The following GRIK3 variants were observed in gnomAD, a reference collection of about 807,000 sequenced individuals.
GRIK3 encodes glutamate receptor ionotropic, kainate 3.
Under a neutral mutation model 102.5 loss-of-function variants are expected in GRIK3, and 29 were observed. The observed-to-expected ratio is 0.28, with a 90% CI of 0.21 to 0.39. GRIK3 has a LOEUF of 0.39. Among genes scored for constraint, GRIK3 ranks in the 10% least tolerant of loss-of-function variants. The pLI is 1.00. For synonymous variants in GRIK3, 511 were observed against 504.9 expected, an observed-to-expected ratio of 1.01 and a Z score of -0.16; for missense variants, 908 against 1,252.4, an observed-to-expected ratio of 0.73 and a Z score of 4.15.
At chr1:36,907,180 A>G (rs1641292947) in intron 1 of GRIK3, among the ~76,000 whole-genome samples, 1 of 152,180 alleles carries the variant, frequency 6.6e-6, no homozygotes, top group Non-Finnish European at 1.5e-5. Flanking sequence ...TAGGAAAAGC[A>G]CCTCAGGGCC....
At chr1:37,029,688 G>A (rs1018242431) in intron 1 of GRIK3, among the ~76,000 whole-genome samples, 1 of 152,256 alleles carries the variant, frequency 6.6e-6, no homozygotes, top group Non-Finnish European at 1.5e-5. Flanking sequence ...GGAGGGGACT[G>A]TTTCCTGGGA....
intron 1 of GRIK3, among the ~76,000 whole-genome samples, chr1:36,974,573 T>C (rs915377029): frequency 6.6e-6 from 1 of 151,134 alleles, no homozygotes; most frequent in African/African-American, 2.4e-5. Context: ...CTGAGGCGGG[T>C]GGATCACGAG....
intron 15 of GRIK3, among the ~76,000 whole-genome samples, chr1:36,803,121 G>A (rs757068024): frequency 6.6e-6 from 1 of 152,090 alleles, no homozygotes; most frequent in Admixed American, 6.5e-5. Context: ...AGAGAATCAA[G>A]CAGTGAAATG....
intron 5 of GRIK3, among the ~76,000 whole-genome samples, chr1:36,863,726 G>A (rs1640752667): frequency 6.6e-6 from 1 of 152,172 alleles, no homozygotes. Flanking sequence ...GAGTGCGTCA[G>A]ACGCGATTCT....
At chr1:36,909,602 T>A (rs1641324059) in intron 1 of GRIK3, among the ~76,000 whole-genome samples, 1 of 152,028 alleles carries the variant, frequency 6.6e-6, no homozygotes, top group Non-Finnish European at 1.5e-5. Flanking sequence ...CGCCCGGCCT[T>A]TTTTTCTTTT....
chr1:36,867,233 C>A (rs1277376854), intron 5 of GRIK3, among the ~76,000 whole-genome samples: 2 of 152,204 alleles, frequency 1.3e-5, no homozygotes, highest in Non-Finnish European at 2.9e-5. Context: ...CATTCCTCCT[C>A]TGCCTCTTCT....
chr1:36,821,720 A>G lies in GRIK3; in HGVS notation c.1755-1866T>C, dbSNP rs964041967. Among the ~76,000 whole-genome samples the G allele has an allele frequency of 2.0e-5, 3 of 152,302 alleles. No individual in the cohort carries two copies. In the East Asian group the frequency reaches 5.8e-4, roughly 29 times the overall value. On this transcript the variant is annotated intron_variant, in intron 11 of 15. Coordinates refer to ENST00000373091, the MANE Select transcript of GRIK3 (RefSeq NM_000831.4). Reference sequence around the variant, plus strand: ...CCAACAGGGAGATGCCATGGGGCACAGGCTGCTGGAGGACCAGGGGCTGTG... The same window carrying G: ...CCAACAGGGAGATGCCATGGGGCACGGGCTGCTGGAGGACCAGGGGCTGTG...
At chr1:36,855,482 TGTGCATATG>T (rs1370431480) in intron 7 of GRIK3, among the ~76,000 whole-genome samples, 1 of 152,132 alleles carries the variant, frequency 6.6e-6, no homozygotes, top group Non-Finnish European at 1.5e-5. Flanking sequence ...GTTGGGTAAA[TGTGCATATG>T]CAAACTCAGG....
chr1:36,944,606 G>C (rs911225907), intron 1 of GRIK3, among the ~76,000 whole-genome samples: 5 of 152,114 alleles, frequency 3.3e-5, no homozygotes, highest in Non-Finnish European at 7.3e-5. Flanking sequence ...GGAGACTTGG[G>C]GTAAGGGTTG....
intron 1 of GRIK3, among the ~76,000 whole-genome samples, chr1:37,001,622 C>A (rs1323934552): frequency 1.3e-5 from 2 of 151,798 alleles, no homozygotes; most frequent in East Asian, 1.9e-4. Flanking sequence ...AAAAAAAAAA[C>A]GTGGATCCTC....
intron 1 of GRIK3, among the ~76,000 whole-genome samples, chr1:36,983,381 C>T (rs567722077): frequency 6.6e-5 from 10 of 152,224 alleles, no homozygotes; most frequent in East Asian, 5.8e-4. Context: ...CACGGCACAA[C>T]GGCACACTCC....
At chr1:36,946,642 C>G (rs534332746) in intron 1 of GRIK3, among the ~76,000 whole-genome samples, 5 of 152,210 alleles carry the variant, frequency 3.3e-5, no homozygotes, top group Non-Finnish European at 7.3e-5. Flanking sequence ...ATAATCATAG[C>G]GTCAGCCGCC....
intron 1 of GRIK3, among the ~76,000 whole-genome samples, chr1:36,932,166 C>T (rs919581688): frequency 1.3e-5 from 2 of 152,122 alleles, no homozygotes; most frequent in South Asian, 2.1e-4. Flanking sequence ...CTGTGAATTC[C>T]GATGTTGACA....
chr1:37,022,115 T>A (rs371954267), intron 1 of GRIK3, among the ~76,000 whole-genome samples: 1 of 152,336 alleles, frequency 6.6e-6, no homozygotes, highest in East Asian at 1.9e-4. Context: ...AGCCTGAATC[T>A]CCAGGTTAAC....
intron 13 of GRIK3, among the ~76,000 whole-genome samples, chr1:36,807,744 C>A (rs1642516367): frequency 1.3e-5 from 2 of 152,222 alleles, no homozygotes; most frequent in Admixed American, 1.3e-4. Context: ...AAGCCACAGG[C>A]AGGACCCCTT....
intron 1 of GRIK3, among the ~76,000 whole-genome samples, chr1:37,012,569 C>T (rs1417630844): frequency 2.0e-5 from 3 of 152,190 alleles, no homozygotes; most frequent in Non-Finnish European, 4.4e-5. Context: ...GGGAGTTTTA[C>T]ATTTACTAAG....
intron 10 of GRIK3, among the ~76,000 whole-genome samples, chr1:36,837,442 G>C (rs490580): frequency 0.2 from 29,723 of 151,684 alleles, 3,463 homozygotes; most frequent in African/African-American, 0.33. Context: ...AACCAATCGG[G>C]AGCCTCATCA....
Position 36,869,775 on chromosome 1 carries a change from C to T in GRIK3, c.759G>A (p.Glu253=), listed in dbSNP as rs554313751. 27 of 1,613,068 alleles carry T rather than the reference C, an allele frequency of 1.7e-5. No individual in the cohort carries two copies. The South Asian group carries it at 3.0e-4, about 18-fold the overall frequency. The change falls in exon 5 of 16, where the codon GAG becomes GAA. Residue 253 remains glutamate (E), a synonymous_variant. Transcript: ENST00000373091. ...KQAMAMGMMT[E]YYHFIFTTLD... is the part of the protein sequence containing the mutation. ...GAGTGGTGAAGATGAAGTGGTAGTA[C>T]TCAGTCATCATGCCCATGGCCATGG...
At chr1:36,918,763 G>T (rs1018213522) in intron 1 of GRIK3, among the ~76,000 whole-genome samples, 2 of 152,158 alleles carry the variant, frequency 1.3e-5, no homozygotes, top group Admixed American at 1.3e-4. Context: ...CAAGAGATGT[G>T]CTGCCTAGTC....
Sources: gnomAD v4.1 joint callset for allele counts (sites outside exome capture counted in the v4.1 genomes callset) on GRCh38, gnomAD v4.1.1 for gene constraint, MANE v1.5 for transcripts, NCBI Gene and HGNC (gene_info 2026-07-23, HGNC 2026-07-21) for gene names.